Variants in PTPRD observed in about 807,000 individuals in gnomAD.
The protein encoded by PTPRD is protein tyrosine phosphatase receptor type D.
Under a neutral mutation model 214.5 loss-of-function variants are expected in PTPRD, and 34 were observed. That is an observed-to-expected ratio of 0.16 (90% confidence interval 0.12 to 0.21). The LOEUF is 0.21. Ranked by LOEUF, PTPRD falls within the 10% of genes least tolerant of loss-of-function variation. PTPRD has a pLI of 1.00. For synonymous variants in PTPRD, 1,128 were observed against 845.7 expected (o/e 1.33, Z -5.79); for missense variants, 2,545 against 2,398.7 (o/e 1.06, Z -1.27).
chr9:8,616,114 TCTA>T (rs1166562953), intron 14 of PTPRD, among the ~76,000 whole-genome samples: 1 of 152,160 alleles, frequency 6.6e-6, no homozygotes, highest in Non-Finnish European at 1.5e-5. Flanking sequence ...GAATTGTTGA[TCTA>T]CTATTGACAC....
intron 11 of PTPRD, among the ~76,000 whole-genome samples, chr9:9,004,933 C>G (rs866234721): frequency 6.6e-6 from 1 of 152,046 alleles, no homozygotes; most frequent in South Asian, 2.1e-4. Flanking sequence ...CACGGGGAAG[C>G]CAAAAATGAG....
At chr9:10,554,848 CAG>C (rs921161907) in intron 2 of PTPRD, among the ~76,000 whole-genome samples, 5 of 151,884 alleles carry the variant, frequency 3.3e-5, no homozygotes, top group African/African-American at 1.2e-4. Flanking sequence ...TTTTAGTAGA[CAG>C]GGGGTTTCAC....
intron 11 of PTPRD, among the ~76,000 whole-genome samples, chr9:8,841,560 G>C (rs777084208): frequency 6.6e-6 from 1 of 152,036 alleles, no homozygotes; most frequent in South Asian, 2.1e-4. Context: ...CCCCAACAGA[G>C]ATCTTTTGTT....
intron 9 of PTPRD, among the ~76,000 whole-genome samples, chr9:9,236,940 G>T (rs1252415618): frequency 6.6e-6 from 1 of 152,028 alleles, no homozygotes; most frequent in African/African-American, 2.4e-5. Context: ...GCACCTTTTT[G>T]CTTCCTCTTT....
chr9:9,901,475 A>T (rs1029752593), intron 5 of PTPRD, among the ~76,000 whole-genome samples: 2 of 152,082 alleles, frequency 1.3e-5, no homozygotes, highest in African/African-American at 4.8e-5. Flanking sequence ...CTACATTAAC[A>T]CAGTAATTTC....
chr9:9,390,577 A>G (rs571720555), intron 9 of PTPRD, among the ~76,000 whole-genome samples: 23 of 152,300 alleles, frequency 1.5e-4, no homozygotes, highest in African/African-American at 4.6e-4. Context: ...ATGTGTTATT[A>G]TTGTTATTAT....
chr9:10,587,791 T>C (rs1240403114), intron 2 of PTPRD, among the ~76,000 whole-genome samples: 2 of 152,006 alleles, frequency 1.3e-5, no homozygotes, highest in Admixed American at 1.3e-4. Context: ...CTCCACACTT[T>C]AGTCTAGTGA....
chr9:9,537,387 C>G (rs1425535815), intron 8 of PTPRD, among the ~76,000 whole-genome samples: 1 of 151,884 alleles, frequency 6.6e-6, no homozygotes, highest in Non-Finnish European at 1.5e-5. Flanking sequence ...TGGGTAACAT[C>G]AACACAGTGA....
chr9:10,266,434 A>T (rs1285545929), intron 3 of PTPRD, among the ~76,000 whole-genome samples: 1 of 152,194 alleles, frequency 6.6e-6, no homozygotes, highest in South Asian at 2.1e-4. Flanking sequence ...GCTAAGGAAC[A>T]TGGTAGCTCT....
At chr9:8,510,440 A>G (rs2097654331) in intron 21 of PTPRD, among the ~76,000 whole-genome samples, 1 of 152,242 alleles carries the variant, frequency 6.6e-6, no homozygotes, top group African/African-American at 2.4e-5. Flanking sequence ...GAGGGACCGC[A>G]GGCCATGCTC....
chr9:9,207,305 G>A (rs1433683413), intron 9 of PTPRD, among the ~76,000 whole-genome samples: 1 of 152,132 alleles, frequency 6.6e-6, no homozygotes, highest in Non-Finnish European at 1.5e-5. Flanking sequence ...GGAGTAGATA[G>A]TTGGACATAA....
At chr9:9,310,267 A>G (rs903346671) in intron 9 of PTPRD, among the ~76,000 whole-genome samples, 3 of 152,108 alleles carry the variant, frequency 2.0e-5, no homozygotes, top group African/African-American at 7.2e-5. Context: ...CATGTGCCAT[A>G]GTGGGGGCAG....
intron 12 of PTPRD, chr9:8,700,820 T>G (rs1303800101): frequency 6.6e-6 from 1 of 152,198 alleles, no homozygotes; most frequent in Non-Finnish European, 1.5e-5. Flanking sequence ...TCTTGTCCTT[T>G]AAATACCATT....
chr9:8,487,958 G>T (rs1044964719), intron 27 of PTPRD, among the ~76,000 whole-genome samples: 15 of 152,166 alleles, frequency 9.9e-5, no homozygotes, highest in African/African-American at 3.6e-4. Flanking sequence ...GAGCCAAAGA[G>T]TTTGAGGCTG....
intron 6 of PTPRD, among the ~76,000 whole-genome samples, chr9:9,736,665 T>C (rs1456748818): frequency 6.6e-6 from 1 of 152,134 alleles, no homozygotes; most frequent in African/African-American, 2.4e-5. Context: ...ATTTCTGTAC[T>C]TTTCATTTAC....
At position 8,858,679 on chromosome 9, in the gene PTPRD, G is replaced by A. The variant is rs1462687537; in HGVS notation, c.-103-124733C>T. Among the ~76,000 whole-genome samples the A allele has an allele frequency of 2.9e-5, 3 of 101,832 alleles. No homozygotes were observed. In the East Asian group the frequency reaches 1.4e-3, roughly 47 times the overall value. The allele number at this position is 101,832 out of a possible 152,430, so 66.8% of individuals were successfully genotyped here. A position where few individuals can be genotyped will look rare whatever the true frequency, so the allele number is the denominator to read the frequency against. ...TGAGTGTGGGTGCGCCCGGACGCGG[G>A]GAGAGCTGGGCCCGCTGCGCCCGCT... On this transcript the variant is annotated intron_variant, in intron 11 of 45. Coordinates refer to ENST00000381196, the MANE Select transcript of PTPRD (RefSeq NM_002839.4).
chr9:10,307,117 ATTG>A (rs1368118564), intron 3 of PTPRD, among the ~76,000 whole-genome samples: 4 of 152,108 alleles, frequency 2.6e-5, no homozygotes, highest in East Asian at 3.9e-4. Context: ...CATATAATGC[ATTG>A]TTGTTAACTA....
intron 26 of PTPRD, among the ~76,000 whole-genome samples, chr9:8,493,620 T>C: frequency 6.6e-6 from 1 of 152,194 alleles, no homozygotes; most frequent in East Asian, 1.9e-4. Flanking sequence ...TGGTTATTTG[T>C]ATAGGCTATG....
At chr9:8,440,543 G>A (rs2095513590) in intron 34 of PTPRD, among the ~76,000 whole-genome samples, 2 of 152,152 alleles carry the variant, frequency 1.3e-5, no homozygotes, top group South Asian at 4.1e-4. Flanking sequence ...TCAAACTCCT[G>A]ACCTCATGAT....
Sources: allele counts gnomAD v4.1 joint callset (sites outside exome capture counted in the v4.1 genomes callset), GRCh38; gene constraint gnomAD v4.1.1; transcripts MANE v1.5; gene names NCBI Gene and HGNC (gene_info 2026-07-23, HGNC 2026-07-21).